PPA1: variants seen among roughly 807,000 people sequenced by gnomAD.
PPA1 encodes inorganic pyrophosphatase 1.
PPA1 carries 23 observed loss-of-function variants against 41.8 expected under a neutral mutation model. The observed-to-expected ratio is 0.55, with a 90% confidence interval of 0.40 to 0.78. PPA1 has a LOEUF of 0.78. Ranked by LOEUF, PPA1 falls within the 30% of genes least tolerant of loss-of-function variation. PPA1 has a pLI of 0.00. For synonymous variants in PPA1, 101 were observed against 116.8 expected (o/e 0.86, Z 0.87); for missense variants, 320 against 361.6 (o/e 0.89, Z 0.93).
At chr10:70,222,253 G>A (rs12358617) in intron 2 of PPA1, among the ~76,000 whole-genome samples, 41,897 of 148,812 alleles carry the variant, frequency 0.28, 6,512 homozygotes, top group Non-Finnish European at 0.35. Context: ...GGAGAATGGC[G>A]TGAACCTGGG....
chr10:70,213,571 T>C lies in PPA1; in HGVS notation c.403A>G (p.Ile135Val). 2 of 1,613,960 alleles carry C rather than the reference T, an allele frequency of 1.2e-6. No homozygotes were observed. The highest frequency in any genetic ancestry group is 1.7e-5 in the Admixed American group (1 of 60,020). The change falls in exon 6 of 11, where the codon ATA becomes GTA. Residue 135 changes from isoleucine to valine, a missense_variant. Coordinates refer to ENST00000373232, the MANE Select transcript of PPA1 (RefSeq NM_021129.4). The part of the protein sequence containing the change: ...IGSKVCARGE[I>V]IGVKVLGILA... ...ATGCCTAGAACTTTCACGCCAATTA[T>C]TTCACCTCTTGCACATACCTGAGAG...
At chr10:70,216,733 C>T (rs1371170037) in intron 4 of PPA1, among the ~76,000 whole-genome samples, 1 of 152,162 alleles carries the variant, frequency 6.6e-6, no homozygotes, top group Non-Finnish European at 1.5e-5. Context: ...AGTGCCACAG[C>T]ACTGGCCTAG....
At chr10:70,213,680 C>A in intron 5 of PPA1, 91 bp from the exon 6 acceptor site, 1 of 1,420,598 alleles carries the variant, frequency 7.0e-7, no homozygotes, top group Non-Finnish European at 9.5e-7. Context: ...AGAAAGAGGC[C>A]AAGTTCTTGA....
intron 2 of PPA1, among the ~76,000 whole-genome samples, chr10:70,227,196 T>A: frequency 6.6e-6 from 1 of 152,220 alleles, no homozygotes; most frequent in Non-Finnish European, 1.5e-5. Context: ...GCAAAGGACA[T>A]CCCTACAATT....
chr10:70,203,448 A>G (rs572620982), intron 10 of PPA1: 155 of 360,386 alleles, frequency 4.3e-4, no homozygotes, highest in Non-Finnish European at 7.0e-4. Flanking sequence ...TCTTGCCCAG[A>G]TTGCAGTGCA....
At chr10:70,213,075 A>T (rs922050910) in intron 6 of PPA1, among the ~76,000 whole-genome samples, 1 of 152,184 alleles carries the variant, frequency 6.6e-6, no homozygotes, top group Admixed American at 6.5e-5. Context: ...AATGTTCTGC[A>T]ATTAGAGAGT....
In PPA1 at chr10:70,233,388, T is replaced by A. The variant is rs1840315555; in HGVS notation, c.-61A>T. 6 of 1,522,248 alleles carry A rather than the reference T, an allele frequency of 3.9e-6. No homozygotes were observed. The highest frequency in any genetic ancestry group is 2.6e-5 in the East Asian group (1 of 39,082). 94.3% of individuals were successfully genotyped at this position (1,522,248 alleles called of 1,614,324 possible). A position where few individuals can be genotyped will look rare whatever the true frequency, so the allele number is the denominator to read the frequency against. On this transcript the variant is annotated 5_prime_UTR_variant, in exon 1 of 11. Transcript: ENST00000373232. ...CCACCAGCCCGCACGCGGCGCCGAC[T>A]GACAAGGAGAGAGCCCCACGCCTGC...
chr10:70,208,676 C>A (rs1284596049), intron 8 of PPA1, among the ~76,000 whole-genome samples: 2 of 152,008 alleles, frequency 1.3e-5, no homozygotes, highest in African/African-American at 2.4e-5. Context: ...TATAACTCTT[C>A]TCCATTTTTC....
chr10:70,211,658 C>G (rs976068215), intron 6 of PPA1, among the ~76,000 whole-genome samples: 2 of 152,076 alleles, frequency 1.3e-5, no homozygotes, highest in African/African-American at 4.8e-5. Flanking sequence ...GCCATGGGAC[C>G]AGCCACCCCG....
At position 70,233,385 on chromosome 10, in the gene PPA1, G is replaced by T; in HGVS notation, c.-58C>A. The T allele has an allele frequency of 1.3e-6, 2 of 1,523,892 alleles. No homozygotes were observed. Among genetic ancestry groups the T allele is most frequent in the South Asian group, 1.2e-5 (1 of 81,814 alleles). 94.4% of individuals were successfully genotyped at this position (1,523,892 alleles called of 1,614,324 possible). On this transcript the variant is annotated 5_prime_UTR_variant, in exon 1 of 11. Coordinates refer to ENST00000373232, the MANE Select transcript of PPA1 (RefSeq NM_021129.4). ...GAGCCACCAGCCCGCACGCGGCGCCGACTGACAAGGAGAGAGCCCCACGCC... is the reference window on the plus strand; with the variant it reads ...GAGCCACCAGCCCGCACGCGGCGCCTACTGACAAGGAGAGAGCCCCACGCC...
At chr10:70,206,468 A>G in intron 8 of PPA1, 135 bp from the exon 9 acceptor site, 2 of 650,042 alleles carry the variant, frequency 3.1e-6, no homozygotes, top group Non-Finnish European at 5.6e-6. Context: ...ACCTACATTT[A>G]ACATTCTAAT....
At position 70,227,493 on chromosome 10, in the gene PPA1, ATAG is replaced by A. The variant is rs374360102; in HGVS notation, c.123+2845_123+2847del. 3.7e-3 allele frequency among the ~76,000 whole-genome samples: 565 copies of A among 152,168 alleles called. 7 individuals are homozygous for A. The highest frequency in any genetic ancestry group is 0.013 in the African/African-American group (543 of 41,526). ...AGGGAAACCCTGTCTCTACAAAAAA[ATAG>A]AAAAATTAGCTGGGCGTGGTGGTGT... is the stretch of plus-strand genomic sequence containing the variant. On this transcript the variant is annotated intron_variant, in intron 2 of 10. Coordinates refer to ENST00000373232, the MANE Select transcript of PPA1 (RefSeq NM_021129.4).
rs1354778556 is a variant in PPA1, at chr10:70,221,005, CAT to C, written c.124-2190_124-2189del. Among the ~76,000 whole-genome samples the C allele has an allele frequency of 1.6e-4, 7 of 42,546 alleles. No individual in the cohort carries two copies. The Admixed American group carries it at 1.8e-3, about 11-fold the overall frequency. The allele number at this position is 42,546 out of a possible 152,430, so 27.9% of individuals were successfully genotyped here. ...CTATATATATAATTTATATATATAA[CAT>C]ATATATAATTTATATATATAATATA... On this transcript the variant is annotated intron_variant, in intron 2 of 10. Transcript: ENST00000373232.
rs759646449 is a variant in PPA1, at chr10:70,230,353, A to C, written c.111T>G (p.Ile37Met). ...QYISPFHDIPIYADKDVFHMV... is the reference protein window; with the variant it reads ...QYISPFHDIPMYADKDVFHMV... ...AAGGATGCCTTACCTTATCTGCATA[A>C]ATTGGAATATCATGAAATGGAGATA... The change falls in exon 2 of 11, where the codon ATT (isoleucine) becomes ATG (methionine). Residue 37 changes from isoleucine to methionine, a missense_variant. Transcript: ENST00000373232. 1.9e-6 allele frequency: 3 copies of C among 1,613,394 alleles called. No individual in the cohort carries two copies. The highest frequency in any genetic ancestry group is 1.7e-6 in the Non-Finnish European group (2 of 1,179,618).
chr10:70,226,477 C>G (rs1398696199), intron 2 of PPA1, among the ~76,000 whole-genome samples: 2 of 151,316 alleles, frequency 1.3e-5, no homozygotes, highest in South Asian at 4.2e-4. Flanking sequence ...GAGGATTGCT[C>G]GAGCCCAGGA....
At chr10:70,221,197 C>T (rs574882602) in intron 2 of PPA1, among the ~76,000 whole-genome samples, 6 of 144,042 alleles carry the variant, frequency 4.2e-5, no homozygotes, top group South Asian at 4.3e-4. Flanking sequence ...TTTAGAATTA[C>T]TTCTTTGCTA....
chr10:70,221,863 C>T (rs1015166061), intron 2 of PPA1, among the ~76,000 whole-genome samples: 1 of 152,100 alleles, frequency 6.6e-6, no homozygotes, highest in East Asian at 1.9e-4. Context: ...CTATATTGAA[C>T]ACTTTAATAG....
intron 10 of PPA1, 116 bp downstream of exon 10, chr10:70,204,757 T>C: frequency 1.2e-6 from 1 of 801,518 alleles, no homozygotes; most frequent in Non-Finnish European, 1.9e-6. Flanking sequence ...TATCAAAACA[T>C]CACACTGTAC....
chr10:70,209,431 A>G, intron 7 of PPA1, 127 bp downstream of exon 7: 1 of 1,331,414 alleles, frequency 7.5e-7, no homozygotes, highest in South Asian at 1.5e-5. Flanking sequence ...AAGTGAATAA[A>G]TAAACACCAA....
Sources: allele counts gnomAD v4.1 joint callset (sites outside exome capture counted in the v4.1 genomes callset), GRCh38; gene constraint gnomAD v4.1.1; transcripts MANE v1.5; gene names NCBI Gene and HGNC (gene_info 2026-07-23, HGNC 2026-07-21).